Variants in SRGAP3 observed in about 807,000 individuals in gnomAD.
SRGAP3 encodes SLIT-ROBO Rho GTPase activating protein 3, also known as SLIT-ROBO Rho GTPase-activating protein 3.
Under a neutral mutation model 121.1 loss-of-function variants are expected in SRGAP3, and 39 were observed. That is an observed-to-expected ratio of 0.32 (90% confidence interval 0.25 to 0.42). SRGAP3 has a LOEUF of 0.42. Among genes scored for constraint, SRGAP3 ranks in the 10% least tolerant of loss-of-function variants. The pLI is 1.00. For synonymous variants in SRGAP3, 601 were observed against 570.0 expected, an observed-to-expected ratio of 1.05 and a Z score of -0.77; for missense variants, 1,213 against 1,470.6, an observed-to-expected ratio of 0.82 and a Z score of 2.86.
intron 3 of SRGAP3, among the ~76,000 whole-genome samples, chr3:9,088,350 G>A (rs1053927619): frequency 2.6e-5 from 4 of 152,136 alleles, no homozygotes; most frequent in Admixed American, 1.3e-4. Context: ...TGTCTTTCAC[G>A]CTCAAATAAG....
chr3:9,305,484 T>A (rs1014417981), intron 3 of SRGAP3, among the ~76,000 whole-genome samples: 1 of 151,776 alleles, frequency 6.6e-6, no homozygotes, highest in African/African-American at 2.4e-5. Context: ...TAGGTATACA[T>A]GTGCCATGTT....
At chr3:8,987,798 A>G (rs1941807440) in intron 21 of SRGAP3, among the ~76,000 whole-genome samples, 1 of 152,054 alleles carries the variant, frequency 6.6e-6, no homozygotes, top group African/African-American at 2.4e-5. Context: ...TTCTGCAGGA[A>G]GGGAGGGAAG....
chr3:9,222,145 G>C (rs58480369), intron 1 of SRGAP3, among the ~76,000 whole-genome samples: 15,020 of 152,250 alleles, frequency 0.099, 955 homozygotes, highest in East Asian at 0.18. Flanking sequence ...ACAAATGAGA[G>C]AGAGAATATG....
chr3:9,345,910 T>C (rs1451704487), intron 1 of SRGAP3, among the ~76,000 whole-genome samples: 1 of 152,096 alleles, frequency 6.6e-6, no homozygotes, highest in Non-Finnish European at 1.5e-5. Context: ...GTATGGCCCA[T>C]TAGTCTTCTG....
intron 1 of SRGAP3, among the ~76,000 whole-genome samples, chr3:9,195,379 T>G (rs1158090544): frequency 6.6e-6 from 1 of 152,082 alleles, no homozygotes; most frequent in Non-Finnish European, 1.5e-5. Flanking sequence ...ACAACACTGG[T>G]TTACCCCCAC....
intron 1 of SRGAP3, among the ~76,000 whole-genome samples, chr3:9,182,154 T>G (rs1482737236): frequency 9.2e-6 from 1 of 108,576 alleles, no homozygotes; most frequent in Non-Finnish European, 1.7e-5. Flanking sequence ...CCAGCCTGGA[T>G]GACAGAGCAA....
At chr3:9,275,025 G>A (rs1436176165) in intron 3 of SRGAP3, among the ~76,000 whole-genome samples, 1 of 152,166 alleles carries the variant, frequency 6.6e-6, no homozygotes, top group Non-Finnish European at 1.5e-5. Context: ...TTTGAGCCAA[G>A]GTTCCAGGCT....
chr3:9,141,687 T>A (rs894091399), intron 1 of SRGAP3, among the ~76,000 whole-genome samples: 2 of 152,070 alleles, frequency 1.3e-5, no homozygotes, highest in African/African-American at 4.8e-5. Context: ...TGAGATTAGA[T>A]TTTCCAGGAG....
At chr3:9,067,045 T>C (rs1398017911) in intron 4 of SRGAP3, among the ~76,000 whole-genome samples, 1 of 152,146 alleles carries the variant, frequency 6.6e-6, no homozygotes, top group Admixed American at 6.5e-5. Flanking sequence ...CCTATGCTTG[T>C]TATGAGCACT....
intron 1 of SRGAP3, among the ~76,000 whole-genome samples, chr3:9,206,336 A>C (rs2125168139): frequency 6.6e-6 from 1 of 152,254 alleles, no homozygotes; most frequent in South Asian, 2.1e-4. Context: ...TAAGCGAATA[A>C]TTCATGGTTC....
intron 20 of SRGAP3, chr3:8,992,626 T>C: frequency 1.9e-6 from 1 of 528,852 alleles, no homozygotes; most frequent in Non-Finnish European, 3.4e-6. Flanking sequence ...ACTTGCCAAT[T>C]TGTATCTCTC....
chr3:8,992,398 C>T (rs1370202773), intron 20 of SRGAP3, among the ~76,000 whole-genome samples: 4 of 152,110 alleles, frequency 2.6e-5, no homozygotes. Context: ...ACAGCCTGGC[C>T]CACACATAGG....
chr3:9,168,223 G>C (rs1430325513), intron 1 of SRGAP3, among the ~76,000 whole-genome samples: 1 of 152,196 alleles, frequency 6.6e-6, no homozygotes, highest in African/African-American at 2.4e-5. Flanking sequence ...AAGACAGCCT[G>C]GCCCCAGGCC....
intron 1 of SRGAP3, among the ~76,000 whole-genome samples, chr3:9,237,306 C>T (rs1404503065): frequency 1.3e-5 from 2 of 152,022 alleles, no homozygotes; most frequent in Non-Finnish European, 2.9e-5. Context: ...CAACTGGGAG[C>T]GGGGATGCTA....
At position 9,291,847 on chromosome 3, in the gene SRGAP3, C is replaced by T. The variant is rs551850037; in HGVS notation, n.442+34163G>A. Among the ~76,000 whole-genome samples, 8 of 152,168 alleles carry T rather than the reference C, an allele frequency of 5.3e-5. 1 individual carries two copies. The highest frequency in any genetic ancestry group is 1.9e-4 in the African/African-American group (8 of 41,534). On this transcript the variant is annotated intron_variant and non_coding_transcript_variant, in intron 3 of 3. Transcript: ENST00000490889. ...GTTTCACTTGCCAAAAAAAAGAAGG[C>T]AACTGTAAAAATAAATGTAAGACAG...
At chr3:9,318,027 C>T (rs892313787) in intron 3 of SRGAP3, among the ~76,000 whole-genome samples, 18 of 152,028 alleles carry the variant, frequency 1.2e-4, no homozygotes, top group Admixed American at 9.8e-4. Flanking sequence ...TTTTTAGCCC[C>T]TATCCGACTA....
At chr3:9,097,808 C>T (rs1410817749) in intron 3 of SRGAP3, among the ~76,000 whole-genome samples, 1 of 152,200 alleles carries the variant, frequency 6.6e-6, no homozygotes, top group Non-Finnish European at 1.5e-5. Context: ...GACTACCCAA[C>T]AGGAGGGTTT....
At position 8,983,066 on chromosome 3, in the gene SRGAP3, G is replaced by A. The variant is rs985194547; in HGVS notation, c.*2453C>T. 4.4e-6 allele frequency: 1 copy of A among 227,158 alleles called. No homozygotes were observed. Among genetic ancestry groups the A allele is most frequent in the Non-Finnish European group, 8.7e-6 (1 of 114,314 alleles). The allele number at this position is 227,158 out of a possible 1,614,324, so 14.1% of individuals were successfully genotyped here. On this transcript the variant is annotated 3_prime_UTR_variant, in exon 22 of 22. Transcript: ENST00000383836. ...CAGATTGCTATATTTTGCCTGGGAG[G>A]CTACTGGATTTAGGATCTGGGAGTA...
At chr3:9,326,603 T>C (rs1035879510) in intron 2 of SRGAP3, among the ~76,000 whole-genome samples, 44 of 151,892 alleles carry the variant, frequency 2.9e-4, no homozygotes, top group Admixed American at 2.3e-3. Context: ...TGAACTTATG[T>C]CCTCTCGAAT....
Sources: allele counts gnomAD v4.1 joint callset (sites outside exome capture counted in the v4.1 genomes callset), GRCh38; gene constraint gnomAD v4.1.1; transcripts MANE v1.5; gene names NCBI Gene and HGNC (gene_info 2026-07-23, HGNC 2026-07-21).